Variants in DOCK1 observed in about 807,000 individuals in gnomAD.
The protein encoded by DOCK1 is dedicator of cytokinesis protein 1.
In DOCK1, 138 loss-of-function variants were observed where a neutral mutation model predicts 262.7. That is an observed-to-expected ratio of 0.53 (90% CI 0.46 to 0.61). The LOEUF (loss-of-function observed/expected upper bound fraction) is 0.61. DOCK1 is among the 20% of genes least tolerant of loss of function. The pLI, the probability that DOCK1 is intolerant of heterozygous loss-of-function variation, is 0.00. For missense variants in DOCK1, 1,908 were observed against 2,370.7 expected, an observed-to-expected ratio of 0.80 and a Z score of 4.05; for synonymous variants, 866 against 867.4, an observed-to-expected ratio of 1.00 and a Z score of 0.03.
chr10:127,130,065 C>CTTTTTTTTTTTTTTT (rs74721427), intron 27 of DOCK1, among the ~76,000 whole-genome samples: 5 of 117,546 alleles, frequency 4.3e-5, no homozygotes, highest in African/African-American at 1.6e-4. Flanking sequence ...TTAGGGTCTT[C>CTTTTTTTTTTTTTTT]TTTTTTTTTT....
In DOCK1 at chr10:127,451,363, CGCCTCCTCCCCCTCCA is replaced by C; in HGVS notation, c.5598_5613del (p.Pro1867ArgfsTer73). On this transcript the variant is annotated frameshift_variant, in exon 52 of 52. Coordinates refer to ENST00000623213, the MANE Select transcript of DOCK1 (RefSeq NM_001290223.2). LOFTEE classifies it high-confidence loss of function. ...CCACCTCCACTGCCCAGCAAAACTC[CGCCTCCTCCCCCTCCA>C]AAGACAACTCGCAAGCAGGCATCGG... The C allele has an allele frequency of 6.2e-7, 1 of 1,600,392 alleles. No homozygotes were observed. The highest frequency in any genetic ancestry group is 1.1e-5 in the South Asian group (1 of 88,058).
chr10:127,425,925 G>A lies in DOCK1; in HGVS notation c.4828G>A (p.Ala1610Thr). ...AATCCATGGAGACAAAGTCACGGAG[G>A]CACTGAGGCCGTTCCACGAGAGGAT... The part of the protein sequence containing the change: ...IRIHGDKVTE[A>T]LRPFHERMEA... The change falls in exon 47 of 52, where the codon GCA becomes ACA. Residue 1610 changes from alanine to threonine, a missense_variant. This residue lies in a region of DOCK1 where 383 missense variants were observed against 420.1 expected (regional missense o/e 0.91). Transcript: ENST00000623213. 6.2e-7 allele frequency: 1 copy of A among 1,614,048 alleles called. No homozygotes were observed. Among genetic ancestry groups the A allele is most frequent in the Non-Finnish European group, 8.5e-7 (1 of 1,179,902 alleles).
intron 32 of DOCK1, among the ~76,000 whole-genome samples, chr10:127,359,926 C>A (rs1230589516): frequency 2.0e-5 from 3 of 152,090 alleles, no homozygotes; most frequent in Non-Finnish European, 4.4e-5. Flanking sequence ...TAAAATACTG[C>A]ACATATTTTA....
intron 22 of DOCK1, among the ~76,000 whole-genome samples, chr10:127,053,170 C>T (rs1352988319): frequency 1.3e-5 from 2 of 152,110 alleles, no homozygotes; most frequent in African/African-American, 4.8e-5. Context: ...CAAAAAGTCC[C>T]AAAAGAAAAA....
chr10:127,043,176 C>T lies in DOCK1; in HGVS notation c.2201+12C>T, dbSNP rs1166015868. ...ACGTTAGCCTACACGTAAGTTCCTACTTTGTTTTAAAACCAATACTTCTTT... is the reference window on the plus strand; with the variant it reads ...ACGTTAGCCTACACGTAAGTTCCTATTTTGTTTTAAAACCAATACTTCTTT... On this transcript the variant is annotated intron_variant, in intron 21 of 51. Transcript: ENST00000623213. 6.3e-7 allele frequency: 1 copy of T among 1,586,098 alleles called. No homozygotes were observed. Among genetic ancestry groups the T allele is most frequent in the Non-Finnish European group, 8.6e-7 (1 of 1,161,766 alleles).
At chr10:126,990,431 C>A in intron 5 of DOCK1, 24 bp from the exon 6 acceptor site, 1 of 1,581,048 alleles carries the variant, frequency 6.3e-7, no homozygotes, top group Non-Finnish European at 8.6e-7. Context: ...CAAAATCTTT[C>A]TGATTGGGTT....
chr10:127,046,546 G>C (rs1419318725), intron 21 of DOCK1, among the ~76,000 whole-genome samples: 1 of 152,014 alleles, frequency 6.6e-6, no homozygotes, highest in African/African-American at 2.4e-5. Context: ...TTGAGGTCAG[G>C]AGTTCAATAC....
At chr10:127,200,492 T>C (rs2057402587) in intron 27 of DOCK1, among the ~76,000 whole-genome samples, 1 of 152,158 alleles carries the variant, frequency 6.6e-6, no homozygotes. Flanking sequence ...GATGTCAGTT[T>C]ACTGCAACCT....
At position 127,362,233 on chromosome 10, in the gene DOCK1, C is replaced by T. The variant is rs751227483; in HGVS notation, c.3432+21C>T. 53 of 1,606,336 alleles carry T rather than the reference C, an allele frequency of 3.3e-5. 1 individual carries two copies. Among genetic ancestry groups the T allele is most frequent in the Admixed American group, 1.0e-4 (6 of 58,748 alleles). The stretch of plus-strand genomic sequence containing the variant: ...AAATGGTAAGGACGTAGATGTGCAG[C>T]GAGTGGCCGGGGGACATGAGGGAGG... On this transcript the variant is annotated intron_variant, in intron 33 of 51. Transcript: ENST00000623213.
intron 29 of DOCK1, among the ~76,000 whole-genome samples, chr10:127,318,507 A>C (rs1276389141): frequency 1.3e-5 from 2 of 152,204 alleles, no homozygotes; most frequent in African/African-American, 4.8e-5. Flanking sequence ...AGCATGTGCA[A>C]GGATGGGGGC....
chr10:127,307,712 A>C (rs2061926856), intron 29 of DOCK1, among the ~76,000 whole-genome samples: 2 of 152,092 alleles, frequency 1.3e-5, no homozygotes, highest in Non-Finnish European at 2.9e-5. Context: ...GCCTGCCCCA[A>C]CCCCACTCTG....
At chr10:127,154,255 A>G (rs963538041) in intron 27 of DOCK1, among the ~76,000 whole-genome samples, 5 of 152,272 alleles carry the variant, frequency 3.3e-5, no homozygotes, top group Non-Finnish European at 2.9e-5. Context: ...GGAAAAACCA[A>G]CCACATACAC....
intron 29 of DOCK1, among the ~76,000 whole-genome samples, chr10:127,293,096 G>A (rs1456211013): frequency 6.6e-6 from 1 of 152,180 alleles, no homozygotes; most frequent in East Asian, 1.9e-4. Context: ...TGGGAGAGGA[G>A]GGGGCTGTTG....
At position 127,404,559 on chromosome 10, in the gene DOCK1, G is replaced by A. The variant is rs913815917; in HGVS notation, c.4122+130G>A. 1.9e-5 allele frequency: 15 copies of A among 800,184 alleles called. No individual in the cohort carries two copies. The East Asian group carries it at 2.4e-4, about 13-fold the overall frequency. 49.6% of individuals were successfully genotyped at this position (800,184 alleles called of 1,614,324 possible). The stretch of plus-strand genomic sequence containing the variant: ...GCAACTCTCTACACTGCCATAGCTC[G>A]GTGGTTAGCCCGGGGGGCAGAGAGG... On this transcript the variant is annotated intron_variant, in intron 40 of 51. Transcript: ENST00000623213.
In DOCK1 at chr10:126,997,160, A is replaced by G. The variant is rs549781352; in HGVS notation, c.609+277A>G. Among the ~76,000 whole-genome samples, 9 of 152,242 alleles carry G rather than the reference A, an allele frequency of 5.9e-5. No individual in the cohort carries two copies. In the East Asian group the frequency reaches 1.4e-3, roughly 23 times the overall value. On this transcript the variant is annotated intron_variant, in intron 7 of 51. Coordinates refer to ENST00000623213, the MANE Select transcript of DOCK1 (RefSeq NM_001290223.2). ...TCTCATCTGTCAAATGAGACACAAG[A>G]CTTGATTCTGCATTTCCTCTCGGAT...
Position 127,067,462 on chromosome 10 carries a change from C to T in DOCK1, c.2445+5686C>T, listed in dbSNP as rs551060265. Among the ~76,000 whole-genome samples, 55 of 152,188 alleles carry T rather than the reference C, an allele frequency of 3.6e-4. 1 individual carries two copies. Among genetic ancestry groups the T allele is most frequent in the Middle Eastern group, 6.8e-3 (2 of 294 alleles). ...AGAAGGAAACTTTGACCATGATCCA[C>T]AGTAGGAAATTGATGCTTACTTGGT... On this transcript the variant is annotated intron_variant, in intron 23 of 51. Transcript: ENST00000623213.
At chr10:126,942,866 A>G (rs1484102027) in intron 1 of DOCK1, among the ~76,000 whole-genome samples, 1 of 152,194 alleles carries the variant, frequency 6.6e-6, no homozygotes, top group Non-Finnish European at 1.5e-5. Flanking sequence ...TGACCTCAGT[A>G]TAAATTCTTT....
intron 44 of DOCK1, 89 bp from the exon 45 acceptor site, chr10:127,418,276 C>T (rs895878408): frequency 2.9e-6 from 4 of 1,399,312 alleles, no homozygotes; most frequent in Non-Finnish European, 3.8e-6. Context: ...GAGCAGGAAG[C>T]CTGCCCCAGA....
chr10:127,156,514 TCTTTA>T (rs778051033), intron 27 of DOCK1, among the ~76,000 whole-genome samples: 101 of 151,934 alleles, frequency 6.6e-4, no homozygotes, highest in Non-Finnish European at 1.2e-3. Flanking sequence ...TCTTCTCTTT[TCTTTA>T]CTTTTCTTTT....
Sources: gnomAD v4.1 joint callset for allele counts (sites outside exome capture counted in the v4.1 genomes callset) on GRCh38, gnomAD v4.1.1 for gene constraint, gnomAD v4.1.1 regional missense constraint, MANE v1.5 for transcripts, NCBI Gene and HGNC (gene_info 2026-07-23, HGNC 2026-07-21) for gene names.